The following DNAI2 variants were observed in gnomAD, a reference collection of about 807,000 sequenced individuals.
DNAI2 encodes dynein axonemal intermediate chain 2, also known as dynein, axonemal, intermediate polypeptide 2.
A neutral mutation model predicts 74.7 loss-of-function variants in DNAI2; 63 were observed. The ratio of observed to expected loss-of-function variants is 0.84; its 90% confidence interval spans 0.69 to 1.04. The LOEUF is 1.04. Ranked by LOEUF, DNAI2 falls within the 50% of genes least tolerant of loss-of-function variation. The probability of loss-of-function intolerance (pLI) is 0.00; values close to 1 mark genes in which losing one functional copy is unlikely to be tolerated. For synonymous variants in DNAI2, 289 were observed against 314.9 expected, an observed-to-expected ratio of 0.92 and a Z score of 0.87; for missense variants, 688 against 803.2, an observed-to-expected ratio of 0.86 and a Z score of 1.73.
rs142912779 is a variant in DNAI2, at chr17:74,307,309, C to T, written c.1211+1867C>T. 579 of 456,178 alleles carry T rather than the reference C, an allele frequency of 1.3e-3. 4 individuals are homozygous for T. Among genetic ancestry groups the T allele is most frequent in the African/African-American group, 0.01 (505 of 50,188 alleles). The allele number at this position is 456,178 out of a possible 1,614,324, so 28.3% of individuals were successfully genotyped here. Reference sequence around the variant, plus strand: ...CTAGAGGGACTTGGTGGACCTGTGTCGTAGAACCTGGGTCTCCCTTGTCCT... The same window carrying T: ...CTAGAGGGACTTGGTGGACCTGTGTTGTAGAACCTGGGTCTCCCTTGTCCT... On this transcript the variant is annotated intron_variant, in intron 9 of 13. Transcript: ENST00000311014.
chr17:74,289,534 AG>A (rs988796867), intron 4 of DNAI2, 59 bp from the exon 5 acceptor site: 37 of 1,452,484 alleles, frequency 2.5e-5, no homozygotes, highest in African/African-American at 4.4e-5. Context: ...AAAAAAAAAA[AG>A]GGGGAGAAAT....
intron 6 of DNAI2, among the ~76,000 whole-genome samples, chr17:74,297,235 G>A (rs2052498598): frequency 2.7e-5 from 4 of 150,614 alleles, no homozygotes; most frequent in Non-Finnish European, 3.0e-5. Flanking sequence ...ACAGGTGCCC[G>A]CCACCACGCC....
chr17:74,309,627 A>G, intron 10 of DNAI2: 1 of 704,974 alleles, frequency 1.4e-6, no homozygotes, highest in Non-Finnish European at 2.6e-6. Flanking sequence ...CCTGGGGGAA[A>G]TTTAAAAAGA....
rs752532123 is a variant in DNAI2 at position 74,291,169 on chromosome 17, TA to T, written c.724+37del. The stretch of plus-strand genomic sequence containing the variant: ...ACCTAGGCTTTTTTATTTTTATTTT[TA>T]TTTTTTTTAGATGGAATTTTGCTCT... On this transcript the variant is annotated intron_variant, in intron 6 of 13. Coordinates refer to ENST00000311014, the MANE Select transcript of DNAI2 (RefSeq NM_023036.6). 118 of 1,518,880 alleles carry T rather than the reference TA, an allele frequency of 7.8e-5. No homozygotes were observed. The South Asian group carries it at 1.1e-3, about 14-fold the overall frequency. 94.1% of individuals were successfully genotyped at this position (1,518,880 alleles called of 1,614,324 possible). A position where few individuals can be genotyped will look rare whatever the true frequency, so the allele number is the denominator to read the frequency against.
At chr17:74,313,270 TC>T (rs1269939526) in intron 12 of DNAI2, among the ~76,000 whole-genome samples, 1 of 152,178 alleles carries the variant, frequency 6.6e-6, no homozygotes. Flanking sequence ...TGTGATTTCT[TC>T]CCTCTTCTGC....
At chr17:74,292,866 T>G (rs539526455) in intron 6 of DNAI2, among the ~76,000 whole-genome samples, 95 of 148,210 alleles carry the variant, frequency 6.4e-4, no homozygotes, top group Non-Finnish European at 1.0e-3. Flanking sequence ...GTCTTGCTCT[T>G]TCGCCCAGGC....
At chr17:74,302,583 A>G (rs1398271974) in intron 8 of DNAI2, among the ~76,000 whole-genome samples, 1 of 152,072 alleles carries the variant, frequency 6.6e-6, no homozygotes, top group Non-Finnish European at 1.5e-5. Flanking sequence ...AAAAACAAAG[A>G]AAAGAAAAAC....
Sources: allele counts gnomAD v4.1 joint callset (sites outside exome capture counted in the v4.1 genomes callset), GRCh38; gene constraint gnomAD v4.1.1; transcripts MANE v1.5; gene names NCBI Gene and HGNC (gene_info 2026-07-23, HGNC 2026-07-21).